The following TYW5 variants were observed in gnomAD, a reference collection of about 807,000 sequenced individuals.
TYW5 encodes tRNA-yW synthesizing protein 5, also known as tRNA wybutosine-synthesizing protein 5.
TYW5 carries 36 observed loss-of-function variants against 44.4 expected under a neutral mutation model. The observed-to-expected ratio is 0.81, with a 90% confidence interval of 0.62 to 1.07. The LOEUF (loss-of-function observed/expected upper bound fraction) is 1.07, where lower values mean the gene tolerates loss of function less well. TYW5 is among the 50% of genes least tolerant of loss of function. TYW5 has a pLI of 0.00. For missense variants in TYW5, 354 were observed against 365.7 expected, an observed-to-expected ratio of 0.97 and a Z score of 0.26; for synonymous variants, 121 against 128.1, an observed-to-expected ratio of 0.94 and a Z score of 0.37.
chr2:199,933,716 A>C (rs889029449), intron 7 of TYW5, among the ~76,000 whole-genome samples: 1 of 152,196 alleles, frequency 6.6e-6, no homozygotes, highest in African/African-American at 2.4e-5. Context: ...CAATTACTTG[A>C]GGAGTATCTT....
intron 1 of TYW5, 128 bp downstream of exon 1, chr2:199,955,265 T>C: frequency 9.5e-7 from 1 of 1,057,246 alleles, no homozygotes. Flanking sequence ...GGCCAACCAG[T>C]GATCTGCTGC....
intron 1 of TYW5, among the ~76,000 whole-genome samples, chr2:199,949,481 C>G (rs902796162): frequency 6.6e-6 from 1 of 152,142 alleles, no homozygotes; most frequent in Admixed American, 6.6e-5. Flanking sequence ...TTTTCCTAAC[C>G]CAGAATTCAA....
chr2:199,950,885 G>A (rs62180462), intron 1 of TYW5, among the ~76,000 whole-genome samples: 1,855 of 152,306 alleles, frequency 0.012, 17 homozygotes, highest in Non-Finnish European at 0.021. Flanking sequence ...GGGTATGAAA[G>A]CAATCAGCAA....
At chr2:199,949,570 T>A (rs1200185675) in intron 1 of TYW5, among the ~76,000 whole-genome samples, 2 of 152,220 alleles carry the variant, frequency 1.3e-5, no homozygotes, top group Non-Finnish European at 2.9e-5. Context: ...TTACCTTCTA[T>A]GACTTTGACA....
chr2:199,935,489 G>T (rs1036537345), intron 7 of TYW5, among the ~76,000 whole-genome samples: 3 of 151,672 alleles, frequency 2.0e-5, no homozygotes, highest in Non-Finnish European at 4.4e-5. Flanking sequence ...ACGTACAGAT[G>T]CACACCACCA....
chr2:199,938,192 G>C (rs546390343), intron 5 of TYW5, among the ~76,000 whole-genome samples: 1 of 151,926 alleles, frequency 6.6e-6, no homozygotes, highest in East Asian at 1.9e-4. Context: ...AGCCTCTGGA[G>C]TAGCTGGGAC....
intron 1 of TYW5, 34 bp from the exon 2 acceptor site, chr2:199,948,506 T>A: frequency 6.2e-7 from 1 of 1,611,542 alleles, no homozygotes; most frequent in South Asian, 1.1e-5. Context: ...ACAAAATTCA[T>A]GAAAACCAAC....
At chr2:199,936,125 G>T (rs1465976422) in intron 6 of TYW5, 78 bp from the exon 7 acceptor site, 4 of 918,856 alleles carry the variant, frequency 4.4e-6, no homozygotes, top group Non-Finnish European at 6.9e-6. Flanking sequence ...ATATAAATTT[G>T]AAAATTTATT....
chr2:199,943,767 C>G lies in TYW5; in HGVS notation c.301G>C (p.Glu101Gln). ...TTAAAAATGTTAAAAGCAATTACCT[C>G]TGAAACAAAGAATTCTTTATGTTTC... ...EEKHKEFFVSEDEKYYLRSLG... is the reference protein window; with the variant it reads ...EEKHKEFFVSQDEKYYLRSLG... The change falls in exon 3 of 8, where the codon GAG becomes CAG. Residue 101 changes from glutamate (E) to glutamine (Q), a missense_variant and splice_region_variant. Physicochemically the swap from Glu to Gln is conservative, Grantham distance 29. Coordinates refer to ENST00000354611, the MANE Select transcript of TYW5 (RefSeq NM_001039693.3). The G allele has an allele frequency of 6.2e-7, 1 of 1,608,442 alleles. No homozygotes were observed. Among genetic ancestry groups the G allele is most frequent in the Non-Finnish European group, 8.5e-7 (1 of 1,178,422 alleles).
chr2:199,949,492 T>C (rs1403054880), intron 1 of TYW5, among the ~76,000 whole-genome samples: 1 of 152,250 alleles, frequency 6.6e-6, no homozygotes, highest in Non-Finnish European at 1.5e-5. Flanking sequence ...CAGAATTCAA[T>C]CTGAGATGTC....
chr2:199,944,980 AT>A (rs1350917157), intron 2 of TYW5: 2 of 152,224 alleles, frequency 1.3e-5, no homozygotes, highest in Admixed American at 1.3e-4. Flanking sequence ...TATCATAAAA[AT>A]AACCTGATAG....
chr2:199,945,855 T>G (rs2077500135), intron 2 of TYW5: 1 of 152,210 alleles, frequency 6.6e-6, no homozygotes, highest in Non-Finnish European at 1.5e-5. Context: ...TAGCTTCTAC[T>G]AAGCCCAGAT....
intron 1 of TYW5, among the ~76,000 whole-genome samples, chr2:199,948,815 C>T (rs1158464838): frequency 2.0e-5 from 3 of 152,048 alleles, no homozygotes; most frequent in South Asian, 2.1e-4. Context: ...AAAGAATTTC[C>T]GTAAACGCTT....
At chr2:199,945,047 A>G (rs1340278488) in intron 2 of TYW5, 1 of 152,240 alleles carries the variant, frequency 6.6e-6, no homozygotes, top group East Asian at 1.9e-4. Context: ...CTTGTTCAGA[A>G]GCAGATGATT....
intron 1 of TYW5, among the ~76,000 whole-genome samples, chr2:199,948,818 A>G (rs2077522461): frequency 6.6e-6 from 1 of 152,218 alleles, no homozygotes; most frequent in Non-Finnish European, 1.5e-5. Flanking sequence ...GAATTTCCGT[A>G]AACGCTTTAC....
At chr2:199,943,428 A>T (rs1356475317) in intron 3 of TYW5, 1 of 187,824 alleles carries the variant, frequency 5.3e-6, no homozygotes, top group African/African-American at 2.4e-5. Flanking sequence ...AGGACGTAAC[A>T]TTAATAGCTA....
intron 5 of TYW5, among the ~76,000 whole-genome samples, chr2:199,938,643 A>G (rs1163389471): frequency 2.6e-5 from 4 of 152,082 alleles, no homozygotes; most frequent in African/African-American, 9.7e-5. Context: ...TCTGGTGGCC[A>G]TTTTTCACAT....
In TYW5 at chr2:199,931,379, A is replaced by G. The variant is rs1039674516; in HGVS notation, c.*1688T>C. On this transcript the variant is annotated 3_prime_UTR_variant, in exon 8 of 8. Transcript: ENST00000354611. ...TTTTATTAATACTTCCAAGTTTTCT[A>G]CATGACTCTGGATTTATACTTTGTA... The G allele has an allele frequency of 6.6e-6, 1 of 152,204 alleles. No homozygotes were observed. Among genetic ancestry groups the G allele is most frequent in the African/African-American group, 2.4e-5 (1 of 41,454 alleles). The allele number at this position is 152,204 out of a possible 1,614,324, so 9.4% of individuals were successfully genotyped here. A position where few individuals can be genotyped will look rare whatever the true frequency, so the allele number is the denominator to read the frequency against.
At chr2:199,952,242 C>T (rs1228069127) in intron 1 of TYW5, among the ~76,000 whole-genome samples, 1 of 151,982 alleles carries the variant, frequency 6.6e-6, no homozygotes, top group Non-Finnish European at 1.5e-5. Flanking sequence ...AGAATAAATT[C>T]CTAAATGAGG....
Sources: gnomAD v4.1 joint callset for allele counts (sites outside exome capture counted in the v4.1 genomes callset) on GRCh38, gnomAD v4.1.1 for gene constraint, MANE v1.5 for transcripts, NCBI Gene and HGNC (gene_info 2026-07-23, HGNC 2026-07-21) for gene names.